The following TMEM108 variants were observed in gnomAD, a reference collection of about 807,000 sequenced individuals.
TMEM108 encodes the protein cancer/testis antigen 124.
A neutral mutation model predicts 35.1 loss-of-function variants in TMEM108; 12 were observed. That is an observed-to-expected ratio of 0.34 (90% CI 0.22 to 0.55). The LOEUF is 0.55. Ranked by LOEUF, TMEM108 falls within the 20% of genes least tolerant of loss-of-function variation. The pLI is 0.89. For synonymous variants in TMEM108, 287 were observed against 308.6 expected (o/e 0.93, Z 0.73); for missense variants, 680 against 753.3 (o/e 0.90, Z 1.14).
intron 2 of TMEM108, among the ~76,000 whole-genome samples, chr3:133,064,088 C>T (rs1943567493): frequency 6.6e-6 from 1 of 152,146 alleles, no homozygotes; most frequent in Admixed American, 6.5e-5. Context: ...GCGGTAATGT[C>T]TGCCAGTCTG....
intron 2 of TMEM108, among the ~76,000 whole-genome samples, chr3:133,084,603 A>G (rs368077692): frequency 6.6e-6 from 1 of 152,196 alleles, no homozygotes; most frequent in Admixed American, 6.5e-5. Flanking sequence ...ATTAAAAATT[A>G]TTAATTGTAA....
At chr3:133,302,688 G>A (rs571951708) in intron 3 of TMEM108, among the ~76,000 whole-genome samples, 1 of 152,054 alleles carries the variant, frequency 6.6e-6, no homozygotes, top group African/African-American at 2.4e-5. Flanking sequence ...CCAAAGTGCT[G>A]GGATTACAGG....
chr3:133,078,226 G>A (rs1297754840), intron 2 of TMEM108, among the ~76,000 whole-genome samples: 1 of 150,530 alleles, frequency 6.6e-6, no homozygotes, highest in African/African-American at 2.5e-5. Flanking sequence ...TCACATATGT[G>A]CTCCTGAGTT....
intron 3 of TMEM108, among the ~76,000 whole-genome samples, chr3:133,345,598 G>T (rs1351254251): frequency 6.6e-6 from 1 of 151,772 alleles, no homozygotes; most frequent in Non-Finnish European, 1.5e-5. Flanking sequence ...AGTAATACCA[G>T]ATTATTATTC....
At chr3:133,112,793 A>T (rs1345495741) in intron 2 of TMEM108, among the ~76,000 whole-genome samples, 1 of 152,182 alleles carries the variant, frequency 6.6e-6, no homozygotes, top group East Asian at 1.9e-4. Flanking sequence ...CAGAGAATTG[A>T]AGTTGCAGAA....
chr3:133,132,055 T>C (rs1944498293), intron 2 of TMEM108, among the ~76,000 whole-genome samples: 1 of 151,922 alleles, frequency 6.6e-6, no homozygotes, highest in Non-Finnish European at 1.5e-5. Context: ...AGAAGAAAAA[T>C]GGAAAGCTAG....
chr3:133,241,607 GGC>G (rs1946313423), intron 3 of TMEM108, among the ~76,000 whole-genome samples: 1 of 132,866 alleles, frequency 7.5e-6, no homozygotes. Context: ...AGTTTCCTGT[GGC>G]TTTTTTTTTT....
intron 2 of TMEM108, among the ~76,000 whole-genome samples, chr3:133,207,043 T>G (rs1402791027): frequency 1.3e-5 from 2 of 152,226 alleles, no homozygotes; most frequent in African/African-American, 4.8e-5. Context: ...TACAGAGGGT[T>G]TGCGGAGCTG....
intron 3 of TMEM108, among the ~76,000 whole-genome samples, chr3:133,323,531 C>T (rs1331190426): frequency 3.3e-5 from 5 of 152,056 alleles, no homozygotes; most frequent in Non-Finnish European, 7.4e-5. Context: ...ATAGATGACA[C>T]CAACAAATGA....
At position 133,390,386 on chromosome 3, in the gene TMEM108, G is replaced by A. The variant is rs756482815; in HGVS notation, c.1605+52G>A. ...ACTGCAGGGAAACCAGGTCCAAAGA[G>A]AGCCATGGGGCATCTGCTCATTTCT... On this transcript the variant is annotated intron_variant, in intron 5 of 5. Coordinates refer to ENST00000321871, the MANE Select transcript of TMEM108 (RefSeq NM_023943.4). 6.9e-6 allele frequency: 11 copies of A among 1,597,792 alleles called. No homozygotes were observed. The African/African-American group carries it at 9.4e-5, about 14-fold the overall frequency.
Position 133,360,065 on chromosome 3 carries a change from G to A in TMEM108, c.41-19687G>A, listed in dbSNP as rs115134400. Among the ~76,000 whole-genome samples the A allele has an allele frequency of 3.2e-3, 465 of 146,896 alleles. 4 individuals carry two copies. Among genetic ancestry groups the A allele is most frequent in the African/African-American group, 0.011 (439 of 40,100 alleles). On this transcript the variant is annotated intron_variant, in intron 3 of 5. Transcript: ENST00000321871. The stretch of plus-strand genomic sequence containing the variant: ...TACCTGCAGCAAATGGATAAATTTC[G>A]CAGATGTTAGGCTTGGTGAAAGCCA...
At chr3:133,072,545 A>G (rs547053757) in intron 2 of TMEM108, among the ~76,000 whole-genome samples, 14 of 152,296 alleles carry the variant, frequency 9.2e-5, no homozygotes, top group African/African-American at 3.4e-4. Context: ...AGGGGAACAC[A>G]GAATACACGT....
chr3:133,152,017 G>T (rs1944809019), intron 2 of TMEM108, among the ~76,000 whole-genome samples: 1 of 152,142 alleles, frequency 6.6e-6, no homozygotes, highest in African/African-American at 2.4e-5. Flanking sequence ...CAAATCGGGT[G>T]ATGACGTATT....
intron 3 of TMEM108, among the ~76,000 whole-genome samples, chr3:133,336,457 C>T (rs904676675): frequency 1.3e-5 from 2 of 152,020 alleles, no homozygotes; most frequent in Non-Finnish European, 2.9e-5. Flanking sequence ...TCCCTAGCTC[C>T]CAGTTGGCAT....
At position 133,154,627 on chromosome 3, in the gene TMEM108, C is replaced by T. The variant is rs561655774; in HGVS notation, c.-46-74639C>T. 3.8e-3 allele frequency among the ~76,000 whole-genome samples: 575 copies of T among 151,930 alleles called. 1 individual carries two copies. The highest frequency in any genetic ancestry group is 0.013 in the African/African-American group (522 of 41,452). ...ATCGCAAGGACAAAAAACCAAACAC[C>T]GCATGTTCTCACTCATAGGTGGGAA... On this transcript the variant is annotated intron_variant, in intron 2 of 5. Transcript: ENST00000321871.
intron 3 of TMEM108, among the ~76,000 whole-genome samples, chr3:133,366,628 A>G (rs2072507727): frequency 6.6e-6 from 1 of 152,216 alleles, no homozygotes; most frequent in Non-Finnish European, 1.5e-5. Context: ...TGGTGTTATT[A>G]GTTTTTCTAC....
chr3:133,243,340 G>C (rs1946338689), intron 3 of TMEM108, among the ~76,000 whole-genome samples: 1 of 152,132 alleles, frequency 6.6e-6, no homozygotes, highest in African/African-American at 2.4e-5. Flanking sequence ...GACAAATATA[G>C]TTAACGTTCT....
At chr3:133,277,630 A>G (rs1946856202) in intron 3 of TMEM108, among the ~76,000 whole-genome samples, 1 of 152,204 alleles carries the variant, frequency 6.6e-6, no homozygotes, top group Admixed American at 6.5e-5. Flanking sequence ...CAGCCCTGGC[A>G]TTCCGCCGGG....
chr3:133,345,012 T>C (rs145511080), intron 3 of TMEM108, among the ~76,000 whole-genome samples: 1,730 of 152,014 alleles, frequency 0.011, 32 homozygotes, highest in African/African-American at 0.04. Flanking sequence ...TGAACAAGCA[T>C]TTCAGATGAT....
Sources: gnomAD v4.1 joint callset for allele counts (sites outside exome capture counted in the v4.1 genomes callset) on GRCh38, gnomAD v4.1.1 for gene constraint, MANE v1.5 for transcripts, NCBI Gene and HGNC (gene_info 2026-07-23, HGNC 2026-07-21) for gene names.